Variants in FAM221A observed in about 807,000 individuals in gnomAD.
The protein encoded by FAM221A is family with sequence similarity 221 member A, also known as protein FAM221A.
Under a neutral mutation model 37.6 loss-of-function variants are expected in FAM221A, and 43 were observed. That is an observed-to-expected ratio of 1.15 (90% CI 0.90 to 1.48). FAM221A has a LOEUF of 1.48. Ranked by LOEUF, FAM221A falls within the 40% of genes most tolerant of loss-of-function variation. The pLI, the probability that FAM221A is intolerant of heterozygous loss-of-function variation, is 0.00. For synonymous variants in FAM221A, 135 were observed against 132.9 expected, an observed-to-expected ratio of 1.02 and a Z score of -0.11; for missense variants, 361 against 361.5, an observed-to-expected ratio of 1.00 and a Z score of 0.01.
rs1449831999 is a variant in FAM221A at position 23,691,423 on chromosome 7, C to T, written c.464C>T (p.Thr155Ile). ...TGTTCAGGATTCCATAGCTGCTTCA[C>T]TTGTGCTTGTGGTCAGCCTGCATAT... is the stretch of plus-strand genomic sequence containing the variant. ...SKCSGFHSCF[T>I]CACGQPAYAH... Residue 155 changes from threonine to isoleucine, a missense_variant, in exon 4 of 7, where the codon ACT (threonine) becomes ATT (isoleucine). Thr to Ile is a moderately conservative substitution (Grantham distance 89, BLOSUM62 -1). Coordinates refer to ENST00000344962, the MANE Select transcript of FAM221A (RefSeq NM_199136.5). 8.1e-6 allele frequency: 13 copies of T among 1,614,190 alleles called. No individual in the cohort carries two copies. The highest frequency in any genetic ancestry group is 1.6e-4 in the Middle Eastern group (1 of 6,062).
intron 3 of FAM221A, among the ~76,000 whole-genome samples, chr7:23,690,899 C>G (rs1252856742): frequency 1.3e-5 from 2 of 152,188 alleles, no homozygotes; most frequent in Non-Finnish European, 2.9e-5. Flanking sequence ...TGGCTTCTTT[C>G]ATTTAGCATG....
At chr7:23,680,324 G>T (rs1344190571) in intron 1 of FAM221A, 41 bp downstream of exon 1, 11 of 1,499,438 alleles carry the variant, frequency 7.3e-6, no homozygotes, top group Non-Finnish European at 9.9e-6. Context: ...GCCGCTCCGA[G>T]GGGCCAGGAT....
chr7:23,699,741 C>G (rs570927683), intron 5 of FAM221A, among the ~76,000 whole-genome samples: 1 of 151,580 alleles, frequency 6.6e-6, no homozygotes, highest in Non-Finnish European at 1.5e-5. Flanking sequence ...AGGGTTTTGC[C>G]ATGTTGCCCA....
chr7:23,680,233 G>T lies in FAM221A; in HGVS notation c.15G>T (p.Thr5=), dbSNP rs187837770. The T allele has an allele frequency of 1.3e-6, 2 of 1,549,730 alleles. No homozygotes were observed. The highest frequency in any genetic ancestry group is 1.7e-6 in the Non-Finnish European group (2 of 1,146,116). The part of the protein sequence containing the change: MERL[T]LPLGGAAAVD... ...CCCCACCGGCAATGGAGCGGTTGAC[G>T]TTGCCTCTCGGCGGCGCGGCGGCGG... The change falls in exon 1 of 7, where the codon ACG becomes ACT. Residue 5 remains threonine (T), a synonymous_variant. Coordinates refer to ENST00000344962, the MANE Select transcript of FAM221A (RefSeq NM_199136.5).
intron 4 of FAM221A, among the ~76,000 whole-genome samples, chr7:23,695,106 C>T (rs1784972958): frequency 6.6e-6 from 1 of 152,124 alleles, no homozygotes; most frequent in South Asian, 2.1e-4. Flanking sequence ...GTAGCTGTGC[C>T]TGTGGGCGCA....
intron 4 of FAM221A, among the ~76,000 whole-genome samples, chr7:23,695,315 T>G (rs1343381407): frequency 6.6e-6 from 1 of 152,220 alleles, no homozygotes; most frequent in African/African-American, 2.4e-5. Context: ...ATTTGTCATC[T>G]GTGCAACTAA....
intron 5 of FAM221A, among the ~76,000 whole-genome samples, chr7:23,700,042 A>G (rs1785318751): frequency 1.3e-5 from 2 of 152,204 alleles, no homozygotes; most frequent in African/African-American, 2.4e-5. Flanking sequence ...ACTCTTCTCA[A>G]TAAAACTTTT....
chr7:23,694,000 A>T (rs7777789), intron 4 of FAM221A: 3 of 151,714 alleles, frequency 2.0e-5, no homozygotes, highest in Non-Finnish European at 4.4e-5. Flanking sequence ...CTCGCCTCCC[A>T]CCCTCTGACA....
At chr7:23,689,145 T>C (rs1784553849) in intron 2 of FAM221A, 124 bp from the exon 3 acceptor site, 6 of 606,908 alleles carry the variant, frequency 9.9e-6, no homozygotes, top group Non-Finnish European at 1.6e-5. Flanking sequence ...ATTTTCACCT[T>C]ACTATGAAGA....
intron 4 of FAM221A, among the ~76,000 whole-genome samples, chr7:23,696,337 C>T (rs375495577): frequency 2.0e-5 from 3 of 152,166 alleles, no homozygotes; most frequent in African/African-American, 4.8e-5. Flanking sequence ...GCAGGCAGAT[C>T]GCTTGAGCCC....
At chr7:23,689,127 G>T in intron 2 of FAM221A, 142 bp from the exon 3 acceptor site, 1 of 523,958 alleles carries the variant, frequency 1.9e-6, no homozygotes, top group East Asian at 2.8e-5. Flanking sequence ...CTATATGTAG[G>T]AGAGTTTATT....
At chr7:23,684,409 A>T in intron 1 of FAM221A, 90 bp from the exon 2 acceptor site, 1 of 734,500 alleles carries the variant, frequency 1.4e-6, no homozygotes, top group South Asian at 2.2e-5. Context: ...AAAAGCTTAC[A>T]AATTTATTTA....
At chr7:23,696,602 C>T (rs948024746) in intron 4 of FAM221A, among the ~76,000 whole-genome samples, 1 of 152,142 alleles carries the variant, frequency 6.6e-6, no homozygotes, top group African/African-American at 2.4e-5. Flanking sequence ...TATAGGGCAG[C>T]TCTGTTACAA....
chr7:23,687,415 G>A (rs1784434519), intron 2 of FAM221A: 1 of 152,134 alleles, frequency 6.6e-6, no homozygotes, highest in African/African-American at 2.4e-5. Context: ...TTTGAAAACT[G>A]TTGTCTAGTA....
intron 4 of FAM221A, among the ~76,000 whole-genome samples, chr7:23,695,923 A>G (rs565083105): frequency 2.6e-5 from 4 of 152,324 alleles, no homozygotes; most frequent in African/African-American, 7.2e-5. Context: ...AATGCTAAAT[A>G]ATGGTGGTAG....
At chr7:23,690,461 T>G (rs958812792) in intron 3 of FAM221A, among the ~76,000 whole-genome samples, 5 of 152,020 alleles carry the variant, frequency 3.3e-5, no homozygotes, top group African/African-American at 9.7e-5. Context: ...CACCTTGGCC[T>G]CCCAAAGTGC....
At chr7:23,690,055 A>C (rs1784620416) in intron 3 of FAM221A, among the ~76,000 whole-genome samples, 2 of 151,330 alleles carry the variant, frequency 1.3e-5, no homozygotes, top group African/African-American at 4.9e-5. Context: ...TTGAGTTGAA[A>C]TCTTATGGTG....
At chr7:23,703,027 G>A (rs1562533422), downstream of FAM221A, 1 of 152,118 alleles carries the variant, frequency 6.6e-6, no homozygotes, top group Non-Finnish European at 1.5e-5. Flanking sequence ...AATGGGAGGT[G>A]GAAGCCCAAT....
intron 1 of FAM221A, among the ~76,000 whole-genome samples, chr7:23,682,783 G>A (rs1382648263): frequency 6.6e-6 from 1 of 152,024 alleles, no homozygotes; most frequent in East Asian, 1.9e-4. Context: ...TAAAATTTGA[G>A]TTGCACTGGT....
Sources: gnomAD v4.1 joint callset for allele counts (sites outside exome capture counted in the v4.1 genomes callset) on GRCh38, gnomAD v4.1.1 for gene constraint, MANE v1.5 for transcripts, NCBI Gene and HGNC (gene_info 2026-07-23, HGNC 2026-07-21) for gene names.